The following CNTN5 variants were observed in gnomAD, a reference collection of about 807,000 sequenced individuals.
CNTN5 encodes the protein contactin-5.
A neutral mutation model predicts 129.1 loss-of-function variants in CNTN5; 77 were observed. That is an observed-to-expected ratio of 0.60 (90% confidence interval 0.50 to 0.72). CNTN5 has a LOEUF of 0.72. Among genes scored for constraint, CNTN5 ranks in the 30% least tolerant of loss-of-function variants. The pLI, the probability that CNTN5 is intolerant of heterozygous loss-of-function variation, is 0.00. For missense variants in CNTN5, 1,478 were observed against 1,328.8 expected, an observed-to-expected ratio of 1.11 and a Z score of -1.75; for synonymous variants, 509 against 465.6, an observed-to-expected ratio of 1.09 and a Z score of -1.20.
At chr11:99,213,446 A>ATATGTATATACATATATACGTG (rs1859942904) in intron 1 of CNTN5, among the ~76,000 whole-genome samples, 2 of 145,430 alleles carry the variant, frequency 1.4e-5, no homozygotes, top group Non-Finnish European at 1.5e-5. Flanking sequence ...ATATACACAT[A>ATATGTATATACATATATACGTG]TATGTATATA....
At chr11:99,813,452 G>A (rs1345567917) in intron 3 of CNTN5, among the ~76,000 whole-genome samples, 2 of 152,142 alleles carry the variant, frequency 1.3e-5, no homozygotes, top group African/African-American at 4.8e-5. Context: ...AAATTGTTAG[G>A]ATCTGAAGCA....
intron 1 of CNTN5, among the ~76,000 whole-genome samples, chr11:99,074,784 T>C (rs1315171413): frequency 6.6e-6 from 1 of 152,176 alleles, no homozygotes. Context: ...TTCTTGAGTA[T>C]CTACTATATG....
At chr11:100,283,654 A>G (rs1352953378) in intron 18 of CNTN5, among the ~76,000 whole-genome samples, 1 of 152,068 alleles carries the variant, frequency 6.6e-6, no homozygotes, top group Non-Finnish European at 1.5e-5. Context: ...TGGTTTAAAT[A>G]TTCCCTCCGG....
chr11:99,109,363 A>T (rs1857674596), intron 1 of CNTN5, among the ~76,000 whole-genome samples: 2 of 151,184 alleles, frequency 1.3e-5, no homozygotes, highest in African/African-American at 4.9e-5. Context: ...CAGTTTATAC[A>T]CTATGCCCAT....
intron 4 of CNTN5, among the ~76,000 whole-genome samples, chr11:99,822,743 T>C (rs79768705): frequency 0.071 from 10,825 of 152,274 alleles, 551 homozygotes; most frequent in African/African-American, 0.14. Context: ...CACTAAAATG[T>C]CTCACAGTAA....
chr11:100,308,170 A>G (rs1393404211), intron 20 of CNTN5, among the ~76,000 whole-genome samples, 189 bp from the exon 21 acceptor site: 1 of 151,788 alleles, frequency 6.6e-6, no homozygotes, highest in Non-Finnish European at 1.5e-5. Context: ...TTGGTAAGGT[A>G]TTGATGAGAT....
chr11:99,500,792 C>CT (rs200380975), intron 2 of CNTN5, among the ~76,000 whole-genome samples: 3,980 of 152,124 alleles, frequency 0.026, 69 homozygotes, highest in Middle Eastern at 0.065. Flanking sequence ...CTTATCTAGA[C>CT]TTTTTTGTGT....
intron 3 of CNTN5, among the ~76,000 whole-genome samples, chr11:99,656,509 A>G (rs1952371092): frequency 1.4e-5 from 2 of 137,984 alleles, no homozygotes; most frequent in African/African-American, 5.2e-5. Context: ...GAGAAGGGCA[A>G]AATTTCTGGA....
At chr11:99,923,081 A>G (rs1949976638) in intron 7 of CNTN5, among the ~76,000 whole-genome samples, 1 of 152,168 alleles carries the variant, frequency 6.6e-6, no homozygotes, top group Non-Finnish European at 1.5e-5. Context: ...CAGCCCACAG[A>G]TCCATTTTCT....
chr11:99,823,851 A>C (rs1946873348), intron 4 of CNTN5, among the ~76,000 whole-genome samples: 1 of 152,050 alleles, frequency 6.6e-6, no homozygotes, highest in South Asian at 2.1e-4. Context: ...GCATATATTT[A>C]TATTTCTATA....
intron 1 of CNTN5, among the ~76,000 whole-genome samples, chr11:99,023,773 C>T (rs960600572): frequency 1.6e-4 from 24 of 152,176 alleles, no homozygotes; most frequent in East Asian, 1.9e-4. Flanking sequence ...TTTTAAAATA[C>T]GGGTTTTTAA....
chr11:99,793,065 A>AT (rs34583185), intron 3 of CNTN5, among the ~76,000 whole-genome samples: 4,742 of 142,620 alleles, frequency 0.033, 117 homozygotes, highest in South Asian at 0.11. Flanking sequence ...TATCTTATTA[A>AT]TTTTTTTTTT....
intron 7 of CNTN5, among the ~76,000 whole-genome samples, chr11:99,924,223 T>C (rs1385854291): frequency 2.0e-5 from 3 of 152,240 alleles, no homozygotes; most frequent in Non-Finnish European, 4.4e-5. Context: ...TGGCTGCTTG[T>C]ATGTTTTCTT....
At chr11:100,111,764 T>G (rs773198148) in intron 13 of CNTN5, among the ~76,000 whole-genome samples, 4 of 152,128 alleles carry the variant, frequency 2.6e-5, no homozygotes, top group Admixed American at 1.3e-4. Context: ...TAACCGAAAT[T>G]TTATGCCTGT....
chr11:99,408,444 GAAAGAGAAAGAA>G (rs1192364698), intron 2 of CNTN5, among the ~76,000 whole-genome samples: 2 of 49,896 alleles, frequency 4.0e-5, no homozygotes, highest in Non-Finnish European at 7.6e-5. Flanking sequence ...AAGAAAGAAA[GAAAGAGAAAGAA>G]AGAAAGAAAG....
rs542120396 is a variant in CNTN5, at chr11:99,311,695, G to A, written c.-209-13651G>A. On this transcript the variant is annotated intron_variant, in intron 1 of 24. Coordinates refer to ENST00000524871, the MANE Select transcript of CNTN5 (RefSeq NM_014361.4). ...TTGAAATAAGCCTTTTTAAAAAGTC[G>A]AACTCTTTAAATCAATAGTGTTAGT... Among the ~76,000 whole-genome samples, 53 of 152,024 alleles carry A rather than the reference G, an allele frequency of 3.5e-4. No homozygotes were observed. The South Asian group carries it at 6.2e-3, about 18-fold the overall frequency.
chr11:99,251,968 A>C (rs1443333034), intron 1 of CNTN5, among the ~76,000 whole-genome samples: 1 of 152,014 alleles, frequency 6.6e-6, no homozygotes, highest in Non-Finnish European at 1.5e-5. Flanking sequence ...GAAAACTTCT[A>C]TATGTAACTT....
At chr11:99,695,675 C>T (rs1851402424) in intron 3 of CNTN5, among the ~76,000 whole-genome samples, 1 of 151,812 alleles carries the variant, frequency 6.6e-6, no homozygotes, top group South Asian at 2.1e-4. Flanking sequence ...AGGTTTGAGA[C>T]CAACCTGGGC....
chr11:99,791,649 G>A (rs940814928), intron 3 of CNTN5, among the ~76,000 whole-genome samples: 2 of 152,298 alleles, frequency 1.3e-5, no homozygotes, highest in Admixed American at 6.5e-5. Flanking sequence ...TGAATTCTGA[G>A]AAGAATGTAA....
Sources: gnomAD v4.1 joint callset for allele counts (sites outside exome capture counted in the v4.1 genomes callset) on GRCh38, gnomAD v4.1.1 for gene constraint, MANE v1.5 for transcripts, NCBI Gene and HGNC (gene_info 2026-07-23, HGNC 2026-07-21) for gene names.